Variants in SHANK2 observed in about 807,000 individuals in gnomAD.
The protein encoded by SHANK2 is SH3 and multiple ankyrin repeat domains 2.
SHANK2 carries 43 observed loss-of-function variants against 133.7 expected under a neutral mutation model. That is an observed-to-expected ratio of 0.32 (90% CI 0.25 to 0.41). The LOEUF (loss-of-function observed/expected upper bound fraction) is 0.41. SHANK2 is among the 10% of genes least tolerant of loss of function. The probability of loss-of-function intolerance (pLI) is 1.00; values close to 1 mark genes in which losing one functional copy is unlikely to be tolerated. For missense variants in SHANK2, 1,994 were observed against 2,235.8 expected (o/e 0.89, Z 2.18); for synonymous variants, 1,017 against 952.8 (o/e 1.07, Z -1.24).
At chr11:70,646,365 T>C (rs1001726004) in intron 17 of SHANK2, 1 of 152,316 alleles carries the variant, frequency 6.6e-6, no homozygotes, top group African/African-American at 2.4e-5. Context: ...AATCAGGCTC[T>C]CTACTCTCCA....
At chr11:70,716,015 G>T (rs565420626) in intron 14 of SHANK2, among the ~76,000 whole-genome samples, 1 of 152,140 alleles carries the variant, frequency 6.6e-6, no homozygotes, top group South Asian at 2.1e-4. Flanking sequence ...TGCCCCCTAT[G>T]CCTGCCCCTC....
chr11:70,789,714 G>T (rs1947747324), intron 14 of SHANK2, among the ~76,000 whole-genome samples: 1 of 152,158 alleles, frequency 6.6e-6, no homozygotes. Flanking sequence ...TGAGAATGTG[G>T]CATCTTATGC....
intron 14 of SHANK2, among the ~76,000 whole-genome samples, chr11:70,790,615 C>A (rs1452860484): frequency 6.6e-6 from 1 of 152,136 alleles, no homozygotes; most frequent in African/African-American, 2.4e-5. Context: ...GCTGGACTGC[C>A]CAGAGGATTT....
chr11:70,645,627 A>C (rs2061249511), intron 17 of SHANK2, among the ~76,000 whole-genome samples: 1 of 152,080 alleles, frequency 6.6e-6, no homozygotes, highest in South Asian at 2.1e-4. Context: ...CAAGAGAATG[A>C]TGCATATGTC....
chr11:70,667,887 G>C (rs1795989159), intron 15 of SHANK2: 1 of 152,244 alleles, frequency 6.6e-6, no homozygotes, highest in Non-Finnish European at 1.5e-5. Context: ...CAGGATCCCA[G>C]CTGGGTTGGT....
intron 2 of SHANK2, among the ~76,000 whole-genome samples, chr11:71,148,319 G>C (rs1455956583): frequency 2.0e-5 from 3 of 152,184 alleles, no homozygotes; most frequent in Non-Finnish European, 4.4e-5. Flanking sequence ...CCCAACCTCA[G>C]GTGATCCACC....
intron 15 of SHANK2, among the ~76,000 whole-genome samples, chr11:70,695,390 T>C (rs61886413): frequency 0.065 from 9,956 of 152,290 alleles, 381 homozygotes; most frequent in Middle Eastern, 0.12. Context: ...TGTGTGTCAC[T>C]GTGTGGATGC....
Position 70,613,500 on chromosome 11 carries a change from G to A in SHANK2, c.2061+46328C>T, listed in dbSNP as rs527711140. 2.0e-5 allele frequency among the ~76,000 whole-genome samples: 3 copies of A among 152,154 alleles called. No individual in the cohort carries two copies. In the East Asian group the frequency reaches 5.8e-4, roughly 30 times the overall value. On this transcript the variant is annotated intron_variant, in intron 17 of 25. Transcript: ENST00000601538. ...TTACAGGCATGAGCCGCCGCACCCG[G>A]CCATGTTTTTCTTTTTTTAAAAACA...
chr11:70,586,733 G>A (rs781956413), intron 17 of SHANK2, among the ~76,000 whole-genome samples: 2 of 152,206 alleles, frequency 1.3e-5, no homozygotes, highest in Admixed American at 6.5e-5. Context: ...GGGGAATGGC[G>A]AGGGAAGCAC....
At chr11:70,484,780 T>TA (rs1555152515) in intron 25 of SHANK2, among the ~76,000 whole-genome samples, 1 of 152,106 alleles carries the variant, frequency 6.6e-6, no homozygotes, top group African/African-American at 2.4e-5. Context: ...GTACTGCACT[T>TA]AGAGTTCACC....
chr11:71,089,164 C>T (rs1951461179), intron 8 of SHANK2, among the ~76,000 whole-genome samples: 1 of 152,228 alleles, frequency 6.6e-6, no homozygotes, highest in Admixed American at 6.5e-5. Context: ...CAGCTCCCAA[C>T]ACAGCTGAGA....
intron 14 of SHANK2, among the ~76,000 whole-genome samples, chr11:70,787,898 G>A (rs1031204476): frequency 6.6e-6 from 1 of 152,152 alleles, no homozygotes; most frequent in Admixed American, 6.5e-5. Context: ...CTCTGACCTC[G>A]TGTCAAATGG....
At chr11:70,611,931 G>A (rs1046543281) in intron 17 of SHANK2, among the ~76,000 whole-genome samples, 21 of 119,924 alleles carry the variant, frequency 1.8e-4, no homozygotes, top group African/African-American at 5.5e-4. Context: ...GAGAAGCCTC[G>A]TTCCAAATTT....
Position 71,252,487 on chromosome 11 carries a change from G to C in SHANK2, c.-175C>G, listed in dbSNP as rs2135853528. 6.6e-6 allele frequency: 1 copy of C among 151,494 alleles called. No homozygotes were observed. Among genetic ancestry groups the C allele is most frequent in the South Asian group, 2.1e-4 (1 of 4,826 alleles). 9.4% of individuals were successfully genotyped at this position (151,494 alleles called of 1,614,324 possible). On this transcript the variant is annotated 5_prime_UTR_variant, in exon 1 of 26. Coordinates refer to ENST00000601538, the MANE Select transcript of SHANK2 (RefSeq NM_012309.5). This position sits in a 1 kb window ranked among gnomAD's most constrained non-coding sequence, Gnocchi z 6.3. ...GGAGCGCCAGCGTCCGCGCACACCTGGATCGGCCGCGGGAACCCGAGCGGC... is the reference window on the plus strand; with the variant it reads ...GGAGCGCCAGCGTCCGCGCACACCTCGATCGGCCGCGGGAACCCGAGCGGC...
In SHANK2 at chr11:71,184,533, G is replaced by A. The variant is rs148967410; in HGVS notation, c.-12-37195C>T. On this transcript the variant is annotated intron_variant, in intron 2 of 25. Coordinates refer to ENST00000601538, the MANE Select transcript of SHANK2 (RefSeq NM_012309.5). ...CTGGGCTGCAGCAGCTGCTCAACCC[G>A]AGGGCTGGCTCTGTAGAACTGCAGG... Among the ~76,000 whole-genome samples the A allele has an allele frequency of 2.2e-3, 338 of 152,274 alleles. 3 individuals carry two copies. Among genetic ancestry groups the A allele is most frequent in the Admixed American group, 2.0e-3 (30 of 15,308 alleles).
intron 2 of SHANK2, among the ~76,000 whole-genome samples, chr11:71,200,134 C>T (rs1251343860): frequency 1.3e-5 from 2 of 152,226 alleles, no homozygotes; most frequent in African/African-American, 2.4e-5. Flanking sequence ...CAGCCACCTC[C>T]CAGCCTCTGG....
intron 14 of SHANK2, among the ~76,000 whole-genome samples, chr11:70,709,940 G>A (rs1211392625): frequency 6.6e-6 from 1 of 152,154 alleles, no homozygotes; most frequent in African/African-American, 2.4e-5. Context: ...TTCAGGGACG[G>A]AGGGGGACAG....
chr11:71,244,428 C>G (rs1954934765), intron 1 of SHANK2, among the ~76,000 whole-genome samples: 1 of 152,088 alleles, frequency 6.6e-6, no homozygotes, highest in African/African-American at 2.4e-5. Flanking sequence ...ACTGACAAGG[C>G]GGATCACACG....
chr11:70,787,284 C>T (rs1263275699), intron 14 of SHANK2, among the ~76,000 whole-genome samples: 1 of 149,252 alleles, frequency 6.7e-6, no homozygotes, highest in African/African-American at 2.5e-5. Context: ...ACCATCATCA[C>T]CATGACCACC....
Sources: gnomAD v4.1 joint callset for allele counts (sites outside exome capture counted in the v4.1 genomes callset) on GRCh38, gnomAD v4.1.1 for gene constraint, Gnocchi (gnomAD v3.1) non-coding constraint, MANE v1.5 for transcripts, NCBI Gene and HGNC (gene_info 2026-07-23, HGNC 2026-07-21) for gene names.